The following NLE1 variants were observed in gnomAD, a reference collection of about 807,000 sequenced individuals.
NLE1 encodes notchless homolog 1.
A neutral mutation model predicts 62.8 loss-of-function variants in NLE1; 37 were observed. The observed-to-expected ratio is 0.59, with a 90% CI of 0.45 to 0.78. NLE1 has a LOEUF of 0.78. Among genes scored for constraint, NLE1 ranks in the 30% least tolerant of loss-of-function variants. NLE1 has a pLI of 0.00. For synonymous variants in NLE1, 243 were observed against 253.0 expected, an observed-to-expected ratio of 0.96 and a Z score of 0.37; for missense variants, 555 against 637.9, an observed-to-expected ratio of 0.87 and a Z score of 1.40.
At chr17:35,139,073 G>GA (rs1008941040) in intron 4 of NLE1, among the ~76,000 whole-genome samples, 162 bp downstream of exon 4, 19 of 152,272 alleles carry the variant, frequency 1.2e-4, no homozygotes, top group Admixed American at 3.9e-4. Flanking sequence ...CAGCTACTCT[G>GA]GAGGCTGAAG....
At chr17:35,132,557 T>C (rs1287738713) in intron 12 of NLE1, 108 bp from the exon 13 acceptor site, 4 of 1,003,558 alleles carry the variant, frequency 4.0e-6, no homozygotes, top group Non-Finnish European at 5.3e-6. Flanking sequence ...ACCCTCAGAG[T>C]CACCAAGAGC....
chr17:35,132,528 G>T, intron 12 of NLE1, 79 bp from the exon 13 acceptor site: 1 of 1,213,868 alleles, frequency 8.2e-7, no homozygotes, highest in Non-Finnish European at 1.1e-6. Context: ...AGTGTCAACA[G>T]ACGGACGGCC....
chr17:35,136,154 C>T lies in NLE1; in HGVS notation c.1011+15G>A, dbSNP rs756525696. On this transcript the variant is annotated intron_variant, in intron 9 of 12. Coordinates refer to ENST00000442241, the MANE Select transcript of NLE1 (RefSeq NM_018096.5). Reference sequence around the variant, plus strand: ...GGTACAGAGCTAGGGGTGCACGTGGCTGGCACACACTCACCCGCACGAGGT... The same window carrying T: ...GGTACAGAGCTAGGGGTGCACGTGGTTGGCACACACTCACCCGCACGAGGT... 36 of 1,613,926 alleles carry T rather than the reference C, an allele frequency of 2.2e-5. No individual in the cohort carries two copies. Among genetic ancestry groups the T allele is most frequent in the Non-Finnish European group, 3.1e-5 (36 of 1,179,818 alleles).
intron 6 of NLE1, 75 bp from the exon 7 acceptor site, chr17:35,137,268 A>C (rs955126822): frequency 2.2e-6 from 3 of 1,351,240 alleles, no homozygotes; most frequent in Non-Finnish European, 2.0e-6. Flanking sequence ...CCCATTCCCA[A>C]CTTAAAGGCC....
In NLE1 at chr17:35,142,072, A is replaced by T. The variant is rs1441903095; in HGVS notation, c.69T>A (p.Asp23Glu). Reference sequence around the variant, plus strand: ...GGGAACCCAGCAGCTGCCCGCCCTCATCCTGGAACTGCACTAGCAACCGCT... The same window carrying T: ...GGGAACCCAGCAGCTGCCCGCCCTCTTCCTGGAACTGCACTAGCAACCGCT... ...DVQRLLVQFQ[D>E]EGGQLLGSPF... Residue 23 changes from aspartate (D) to glutamate (E), a missense_variant, in exon 2 of 13, where the codon GAT becomes GAA. Transcript: ENST00000442241. 6.2e-7 allele frequency: 1 copy of T among 1,612,770 alleles called. No individual in the cohort carries two copies. The highest frequency in any genetic ancestry group is 1.1e-5 in the South Asian group (1 of 91,072).
In NLE1 at chr17:35,130,577, C is replaced by A; in HGVS notation, c.*1860G>T. 1.1e-6 allele frequency: 1 copy of A among 885,034 alleles called. No individual in the cohort carries two copies. The highest frequency in any genetic ancestry group is 1.7e-6 in the Non-Finnish European group (1 of 596,496). The allele number at this position is 885,034 out of a possible 1,614,324, so 54.8% of individuals were successfully genotyped here. A position where few individuals can be genotyped will look rare whatever the true frequency, so the allele number is the denominator to read the frequency against. On this transcript the variant is annotated 3_prime_UTR_variant, in exon 13 of 13. Coordinates refer to ENST00000442241, the MANE Select transcript of NLE1 (RefSeq NM_018096.5). ...GTGGTATGGGCACCCCACCCCTGGG[C>A]TGGGGCCAAGGCTACATAGGGGCCC...
chr17:35,130,047 T>C lies in NLE1; in HGVS notation c.*2390A>G, dbSNP rs373923439. 3 of 1,402,334 alleles carry C rather than the reference T, an allele frequency of 2.1e-6. No individual in the cohort carries two copies. The highest frequency in any genetic ancestry group is 1.8e-6 in the Non-Finnish European group (2 of 1,082,098). 86.9% of individuals were successfully genotyped at this position (1,402,334 alleles called of 1,614,324 possible). ...ACAGCCTGGGTATGGGGTAGGGGTA[T>C]GGGGGTATAGAGGCCTGAGTACAGA... On this transcript the variant is annotated 3_prime_UTR_variant, in exon 13 of 13. Transcript: ENST00000442241.
intron 6 of NLE1, 57 bp from the exon 7 acceptor site, chr17:35,137,250 G>T: frequency 6.8e-7 from 1 of 1,469,858 alleles, no homozygotes; most frequent in African/African-American, 1.4e-5. Context: ...GTGTGCCCAT[G>T]GCACCTCCCC....
rs959738192 is a variant in NLE1 at position 35,139,240 on chromosome 17, C to A, written c.455G>T (p.Cys152Phe). 8 of 1,613,528 alleles carry A rather than the reference C, an allele frequency of 5.0e-6. No homozygotes were observed. The Admixed American group carries it at 6.7e-5, about 13-fold the overall frequency. ...DLSTETPHFT[C>F]KGHRHWVLSI... ...ATGGCTAATTGCATACTGACCCTTG[C>A]ATGTGAAATGTGGTGTCTCTGTGCT... The change falls in exon 4 of 13, where the codon TGC becomes TTC. Residue 152 changes from cysteine to phenylalanine, a missense_variant. Cys to Phe is a radical substitution (Grantham distance 205). Transcript: ENST00000442241.
chr17:35,137,444 A>G (rs1278765247), intron 6 of NLE1, 99 bp downstream of exon 6: 1 of 1,043,106 alleles, frequency 9.6e-7, no homozygotes, highest in Admixed American at 2.0e-5. Flanking sequence ...CAGGCTGCCC[A>G]TCTTGTCCCC....
chr17:35,134,483 T>C (rs1407032377), intron 10 of NLE1, among the ~76,000 whole-genome samples: 1 of 152,042 alleles, frequency 6.6e-6, no homozygotes, highest in Non-Finnish European at 1.5e-5. Context: ...CACTGCAACC[T>C]TTGCCTCCCA....
chr17:35,130,007 G>A lies in NLE1; in HGVS notation c.*2430C>T. The A allele has an allele frequency of 2.2e-6, 3 of 1,385,008 alleles. No individual in the cohort carries two copies. Among genetic ancestry groups the A allele is most frequent in the Non-Finnish European group, 9.3e-7 (1 of 1,071,912 alleles). 85.8% of individuals were successfully genotyped at this position (1,385,008 alleles called of 1,614,324 possible). A position where few individuals can be genotyped will look rare whatever the true frequency, so the allele number is the denominator to read the frequency against. On this transcript the variant is annotated 3_prime_UTR_variant, in exon 13 of 13. Coordinates refer to ENST00000442241, the MANE Select transcript of NLE1 (RefSeq NM_018096.5). The stretch of plus-strand genomic sequence containing the variant: ...AATAGGGAAGACAAGAGGCTAAAGG[G>A]GGACGAAGAAGGGAACAGCCTGGGT...
In NLE1 at chr17:35,135,244, C is replaced by T; in HGVS notation, c.1214+5G>A. ...TACAGAGAAGCAGTACCCACCCCTA[C>T]TCACTTGCCCGTCCTGCCATCCCAC... On this transcript the variant is annotated splice_donor_5th_base_variant and intron_variant, in intron 10 of 12. Coordinates refer to ENST00000442241, the MANE Select transcript of NLE1 (RefSeq NM_018096.5). 1 of 1,614,030 alleles carries T rather than the reference C, an allele frequency of 6.2e-7. No individual in the cohort carries two copies. The highest frequency in any genetic ancestry group is 8.5e-7 in the Non-Finnish European group (1 of 1,179,876).
At chr17:35,133,544 T>C (rs2091890660) in intron 10 of NLE1, 46 bp from the exon 11 acceptor site, 1 of 1,549,278 alleles carries the variant, frequency 6.5e-7, no homozygotes, top group Non-Finnish European at 8.7e-7. Context: ...GAGTTACATC[T>C]TTCAACACGT....
At chr17:35,137,506 CT>C in intron 6 of NLE1, 36 bp downstream of exon 6, 1 of 1,542,314 alleles carries the variant, frequency 6.5e-7, no homozygotes, top group Non-Finnish European at 8.9e-7. Flanking sequence ...CTTTGATCCC[CT>C]GGCTCATTTG....
Position 35,129,142 on chromosome 17 carries a change from T to C in NLE1, c.*3295A>G, listed in dbSNP as rs2091861291. Reference sequence around the variant, plus strand: ...CAGTTCCTAACAGGCCATGGACTGCTATCAGTTGGTGGCCCAAGGGTTGAG... The same window carrying C: ...CAGTTCCTAACAGGCCATGGACTGCCATCAGTTGGTGGCCCAAGGGTTGAG... On this transcript the variant is annotated 3_prime_UTR_variant, in exon 13 of 13. Coordinates refer to ENST00000442241, the MANE Select transcript of NLE1 (RefSeq NM_018096.5). 1 of 375,460 alleles carries C rather than the reference T, an allele frequency of 2.7e-6. No individual in the cohort carries two copies. The highest frequency in any genetic ancestry group is 5.0e-6 in the Non-Finnish European group (1 of 200,096). 23.3% of individuals were successfully genotyped at this position (375,460 alleles called of 1,614,324 possible).
In NLE1 at chr17:35,142,107, G is replaced by A; in HGVS notation, c.34C>T (p.Arg12Cys). ...AAAVPDEAVA[R>C]DVQRLLVQFQ... ...TGCACTAGCAACCGCTGCACATCGC[G>A]CGCCACCGCCTCGTCCTGCGCGAGC... Residue 12 changes from arginine to cysteine, a missense_variant, in exon 2 of 13, where the codon CGC (arginine) becomes TGC (cysteine). Coordinates refer to ENST00000442241, the MANE Select transcript of NLE1 (RefSeq NM_018096.5). 6.2e-7 allele frequency: 1 copy of A among 1,611,752 alleles called. No homozygotes were observed. The highest frequency in any genetic ancestry group is 8.5e-7 in the Non-Finnish European group (1 of 1,179,582).
chr17:35,141,004 T>C (rs1417320833), intron 2 of NLE1, among the ~76,000 whole-genome samples: 1 of 152,258 alleles, frequency 6.6e-6, no homozygotes, highest in Non-Finnish European at 1.5e-5. Flanking sequence ...CAATGTCCTA[T>C]TGCCAATGAT....
rs748795305 is a variant in NLE1, at chr17:35,130,837, C to T, written c.*1600G>A. 1.2e-5 allele frequency: 2 copies of T among 171,702 alleles called. No homozygotes were observed. Among genetic ancestry groups the T allele is most frequent in the Non-Finnish European group, 2.5e-5 (2 of 79,596 alleles). The allele number at this position is 171,702 out of a possible 1,614,324, so 10.6% of individuals were successfully genotyped here. A position where few individuals can be genotyped will look rare whatever the true frequency, so the allele number is the denominator to read the frequency against. ...TCTACATGGGTGGGGAGATAGAAAA[C>T]AGGCAGCTAGGCAATAGGATGCTGC... On this transcript the variant is annotated 3_prime_UTR_variant, in exon 13 of 13. Transcript: ENST00000442241.
Sources: gnomAD v4.1 joint callset for allele counts (sites outside exome capture counted in the v4.1 genomes callset) on GRCh38, gnomAD v4.1.1 for gene constraint, MANE v1.5 for transcripts, NCBI Gene and HGNC (gene_info 2026-07-23, HGNC 2026-07-21) for gene names.